The following RXRA variants were observed in gnomAD, a reference collection of about 807,000 sequenced individuals.
The protein encoded by RXRA is retinoid X receptor alpha.
Under a neutral mutation model 44.5 loss-of-function variants are expected in RXRA, and 5 were observed. The ratio of observed to expected loss-of-function variants is 0.11; its 90% CI spans 0.06 to 0.24. The LOEUF is 0.24. Among genes scored for constraint, RXRA ranks in the 10% least tolerant of loss-of-function variants. The pLI, the probability that RXRA is intolerant of heterozygous loss-of-function variation, is 1.00. For synonymous variants in RXRA, 291 were observed against 271.4 expected (o/e 1.07, Z -0.71); for missense variants, 412 against 646.5 (o/e 0.64, Z 3.93).
At chr9:134,432,372 G>T (rs757639766) in intron 8 of RXRA, among the ~76,000 whole-genome samples, 1 of 152,228 alleles carries the variant, frequency 6.6e-6, no homozygotes, top group Non-Finnish European at 1.5e-5. Flanking sequence ...AGCCCTGCAG[G>T]CTGGGGATGG....
At chr9:134,415,461 G>A (rs1461096608) in intron 4 of RXRA, among the ~76,000 whole-genome samples, 7 of 139,990 alleles carry the variant, frequency 5.0e-5, no homozygotes, top group African/African-American at 1.8e-4. Context: ...CCATCTGGAA[G>A]CCAGAGGGTG....
At chr9:134,432,422 C>T (rs956760780) in intron 8 of RXRA, among the ~76,000 whole-genome samples, 1 of 152,224 alleles carries the variant, frequency 6.6e-6, no homozygotes. Flanking sequence ...CCAACCTCAT[C>T]CCCAAGCCTC....
At chr9:134,395,941 CG>C (rs1438186490) in intron 1 of RXRA, among the ~76,000 whole-genome samples, 3 of 152,234 alleles carry the variant, frequency 2.0e-5, no homozygotes, top group Non-Finnish European at 4.4e-5. Flanking sequence ...AGGCCGCTAG[CG>C]GGCCATGCTC....
chr9:134,381,427 ACTGT>A (rs1414371738), intron 1 of RXRA, among the ~76,000 whole-genome samples: 2 of 152,006 alleles, frequency 1.3e-5, no homozygotes, highest in Admixed American at 1.3e-4. Context: ...GGATCTTCTA[ACTGT>A]CTGAGCGGGA....
chr9:134,355,307 C>T (rs1251070861), intron 1 of RXRA, among the ~76,000 whole-genome samples: 1 of 152,208 alleles, frequency 6.6e-6, no homozygotes, highest in Non-Finnish European at 1.5e-5. Flanking sequence ...CCCGGCCAGG[C>T]CAGGCACTGT....
At chr9:134,381,328 GAGCTC>G (rs67255574) in intron 1 of RXRA, among the ~76,000 whole-genome samples, 21,542 of 152,066 alleles carry the variant, frequency 0.14, 2,883 homozygotes, top group African/African-American at 0.36. Flanking sequence ...TGGAGGAGTT[GAGCTC>G]AGACCTTAGC....
At position 134,362,506 on chromosome 9, in the gene RXRA, G is replaced by A. The variant is rs529158577; in HGVS notation, c.28+35847G>A. 3.3e-5 allele frequency among the ~76,000 whole-genome samples: 5 copies of A among 152,354 alleles called. No homozygotes were observed. The East Asian group carries it at 9.6e-4, about 29-fold the overall frequency. On this transcript the variant is annotated intron_variant, in intron 1 of 9. Coordinates refer to ENST00000481739, the MANE Select transcript of RXRA (RefSeq NM_002957.6). ...CCGCCAGACCGTGAGCTTCAAGGGG[G>A]CAGGAGCCGAGTCTGCCTCGTGGTC...
intron 6 of RXRA, chr9:134,422,522 T>G: frequency 1.9e-6 from 2 of 1,057,592 alleles, no homozygotes; most frequent in Admixed American, 3.8e-5. Context: ...CCCGGGACAC[T>G]CCCCCCTTCC....
intron 1 of RXRA, among the ~76,000 whole-genome samples, chr9:134,388,529 C>T (rs888474548): frequency 6.6e-6 from 1 of 152,198 alleles, no homozygotes; most frequent in Admixed American, 6.5e-5. Context: ...GGTCCTTTCT[C>T]CCACGATTAC....
At chr9:134,362,865 C>T (rs1830369187) in intron 1 of RXRA, among the ~76,000 whole-genome samples, 1 of 152,260 alleles carries the variant, frequency 6.6e-6, no homozygotes, top group African/African-American at 2.4e-5. Flanking sequence ...CTGTGTGTGC[C>T]CCCATGCCCG....
intron 1 of RXRA, among the ~76,000 whole-genome samples, chr9:134,362,183 A>G (rs958259614): frequency 1.3e-5 from 2 of 152,090 alleles, no homozygotes; most frequent in Non-Finnish European, 2.9e-5. Context: ...GCACTTGTCC[A>G]GGGCCCAGTG....
Position 134,401,561 on chromosome 9 carries a change from G to C in RXRA, c.29-71G>C, listed in dbSNP as rs923270135. ...CGCAGGTGCGTGCATCTGTAGCTGG[G>C]GGGAGCAGGCATTTGGTGGGGCCTG... is the stretch of plus-strand genomic sequence containing the variant. On this transcript the variant is annotated intron_variant, in intron 1 of 9. Transcript: ENST00000481739. 3.7e-6 allele frequency: 6 copies of C among 1,600,536 alleles called. No individual in the cohort carries two copies. In the African/African-American group the frequency reaches 4.0e-5, roughly 11 times the overall value.
chr9:134,338,550 C>T (rs1830041754), intron 1 of RXRA, among the ~76,000 whole-genome samples: 1 of 152,242 alleles, frequency 6.6e-6, no homozygotes, highest in South Asian at 2.1e-4. Flanking sequence ...TGGCCGCAGT[C>T]AGTGGCCAGG....
At chr9:134,435,117 C>T (rs1032821929) in intron 9 of RXRA, among the ~76,000 whole-genome samples, 52 of 152,226 alleles carry the variant, frequency 3.4e-4, no homozygotes, top group Admixed American at 2.0e-4. Flanking sequence ...CCAGCCTCTG[C>T]GCTGTTTTTG....
chr9:134,375,860 C>CA (rs1830549098), intron 1 of RXRA, among the ~76,000 whole-genome samples: 2 of 151,912 alleles, frequency 1.3e-5, no homozygotes, highest in Non-Finnish European at 2.9e-5. Flanking sequence ...AACACTCCCC[C>CA]AAACAAACAA....
intron 1 of RXRA, among the ~76,000 whole-genome samples, chr9:134,363,131 T>A (rs1313183206): frequency 6.6e-6 from 1 of 152,226 alleles, no homozygotes; most frequent in Non-Finnish European, 1.5e-5. Flanking sequence ...GGGTGCCATG[T>A]TCTCCCTGTG....
chr9:134,389,222 C>T (rs1257066103), intron 1 of RXRA, among the ~76,000 whole-genome samples: 2 of 152,204 alleles, frequency 1.3e-5, no homozygotes, highest in Non-Finnish European at 2.9e-5. Flanking sequence ...CCGGATTTGT[C>T]AGGAGGGGAG....
At chr9:134,340,018 C>T (rs1364715164) in intron 1 of RXRA, among the ~76,000 whole-genome samples, 1 of 152,084 alleles carries the variant, frequency 6.6e-6, no homozygotes, top group Non-Finnish European at 1.5e-5. Context: ...CATGTCTGAG[C>T]CTGTATCTGT....
At chr9:134,359,518 C>T (rs984001818) in intron 1 of RXRA, among the ~76,000 whole-genome samples, 11 of 152,286 alleles carry the variant, frequency 7.2e-5, no homozygotes, top group African/African-American at 2.6e-4. Flanking sequence ...TCGCATTATT[C>T]CTGGGGCACT....
Sources: gnomAD v4.1 joint callset for allele counts (sites outside exome capture counted in the v4.1 genomes callset) on GRCh38, gnomAD v4.1.1 for gene constraint, MANE v1.5 for transcripts, NCBI Gene and HGNC (gene_info 2026-07-23, HGNC 2026-07-21) for gene names.